The following CNTNAP2 variants were observed in gnomAD, a reference collection of about 807,000 sequenced individuals.
The protein encoded by CNTNAP2 is contactin-associated protein-like 2.
CNTNAP2 carries 98 observed loss-of-function variants against 155.2 expected under a neutral mutation model. The observed-to-expected ratio is 0.63, with a 90% CI of 0.54 to 0.75. CNTNAP2 has a LOEUF of 0.75. CNTNAP2 is among the 30% of genes least tolerant of loss of function. CNTNAP2 has a pLI of 0.00. For synonymous variants in CNTNAP2, 651 were observed against 631.2 expected (o/e 1.03, Z -0.47); for missense variants, 1,727 against 1,688.1 (o/e 1.02, Z -0.40).
chr7:146,625,781 A>C (rs1389704905), intron 1 of CNTNAP2, among the ~76,000 whole-genome samples: 1 of 152,046 alleles, frequency 6.6e-6, no homozygotes, highest in Non-Finnish European at 1.5e-5. Flanking sequence ...AATTCTCATA[A>C]GTAATTCAGC....
intron 3 of CNTNAP2, among the ~76,000 whole-genome samples, chr7:147,040,926 A>T (rs925198847): frequency 5.3e-5 from 8 of 152,118 alleles, no homozygotes; most frequent in African/African-American, 1.9e-4. Context: ...TAGGTTGATT[A>T]TATCTTCTAC....
At chr7:146,443,715 T>G (rs111234733) in intron 1 of CNTNAP2, among the ~76,000 whole-genome samples, 4,180 of 152,306 alleles carry the variant, frequency 0.027, 87 homozygotes, top group Middle Eastern at 0.061. Context: ...TCAACCACTT[T>G]TTTTATAAAG....
intron 1 of CNTNAP2, among the ~76,000 whole-genome samples, chr7:146,724,611 G>A (rs1374721271): frequency 1.0e-4 from 12 of 119,234 alleles, no homozygotes; most frequent in Admixed American, 2.4e-4. Context: ...TCGCTCTGTC[G>A]CCAGGCTGGA....
intron 1 of CNTNAP2, among the ~76,000 whole-genome samples, chr7:146,199,703 T>A (rs1798829398): frequency 6.6e-6 from 1 of 152,178 alleles, no homozygotes; most frequent in Admixed American, 6.5e-5. Context: ...GGTGTCGACT[T>A]CATTCAGGTC....
intron 21 of CNTNAP2, among the ~76,000 whole-genome samples, chr7:148,336,983 T>A (rs62470628): frequency 0.19 from 28,653 of 151,136 alleles, 2,792 homozygotes; most frequent in South Asian, 0.33. Flanking sequence ...ACAGTCTCTC[T>A]CCCAGGGGTA....
At chr7:148,388,183 G>A (rs1448756107) in intron 22 of CNTNAP2, among the ~76,000 whole-genome samples, 3 of 152,086 alleles carry the variant, frequency 2.0e-5, no homozygotes, top group African/African-American at 7.2e-5. Context: ...TAGGGTACAT[G>A]TGCACATTGT....
At chr7:146,899,495 C>A (rs1481435739) in intron 3 of CNTNAP2, among the ~76,000 whole-genome samples, 2 of 72,358 alleles carry the variant, frequency 2.8e-5, no homozygotes, top group Non-Finnish European at 7.2e-5. Flanking sequence ...ACTTTCCCTG[C>A]ATGCATTGAA....
At chr7:146,458,923 A>G (rs535776970) in intron 1 of CNTNAP2, among the ~76,000 whole-genome samples, 2 of 152,144 alleles carry the variant, frequency 1.3e-5, no homozygotes, top group East Asian at 1.9e-4. Context: ...ATTTCTCTCT[A>G]TATATACACA....
At chr7:148,159,239 A>G in intron 17 of CNTNAP2, among the ~76,000 whole-genome samples, 1 of 152,036 alleles carries the variant, frequency 6.6e-6, no homozygotes. Flanking sequence ...TCATTTTATT[A>G]CGTTTTTTCT....
intron 10 of CNTNAP2, among the ~76,000 whole-genome samples, chr7:147,465,583 A>G (rs1798107158): frequency 6.6e-6 from 1 of 152,260 alleles, no homozygotes; most frequent in African/African-American, 2.4e-5. Context: ...AAATTGCTCA[A>G]TTTAAGCATA....
At chr7:147,952,203 G>A (rs1430697284) in intron 14 of CNTNAP2, among the ~76,000 whole-genome samples, 1 of 130,648 alleles carries the variant, frequency 7.7e-6, no homozygotes, top group Non-Finnish European at 1.7e-5. Context: ...AGCACTTTGG[G>A]AGGCTGAGGC....
At chr7:148,056,608 G>A (rs1030942205) in intron 15 of CNTNAP2, 1 of 152,194 alleles carries the variant, frequency 6.6e-6, no homozygotes, top group African/African-American at 2.4e-5. Context: ...TGCTCACTGA[G>A]CATATGCCCC....
At chr7:148,099,330 C>T (rs1804045251) in intron 15 of CNTNAP2, among the ~76,000 whole-genome samples, 1 of 151,750 alleles carries the variant, frequency 6.6e-6, no homozygotes, top group Non-Finnish European at 1.5e-5. Flanking sequence ...ATTAATAACT[C>T]CATGAATTTA....
At chr7:146,692,858 C>G (rs183993606) in intron 1 of CNTNAP2, among the ~76,000 whole-genome samples, 1 of 152,184 alleles carries the variant, frequency 6.6e-6, no homozygotes, top group African/African-American at 2.4e-5. Context: ...ACTACTGATG[C>G]TACAATAAAG....
intron 11 of CNTNAP2, among the ~76,000 whole-genome samples, chr7:147,554,113 C>T (rs1447215339): frequency 6.6e-6 from 1 of 152,252 alleles, no homozygotes; most frequent in South Asian, 2.1e-4. Flanking sequence ...ATTGAGGAAG[C>T]GTGTTTGTAG....
intron 1 of CNTNAP2, among the ~76,000 whole-genome samples, chr7:146,706,531 A>C (rs541840664): frequency 1.3e-5 from 2 of 152,288 alleles, no homozygotes; most frequent in African/African-American, 2.4e-5. Flanking sequence ...AATTATTCCA[A>C]GTGAACAGGC....
intron 1 of CNTNAP2, among the ~76,000 whole-genome samples, chr7:146,746,240 AAAAGACGTT>A (rs2129181761): frequency 6.6e-6 from 1 of 152,358 alleles, no homozygotes; most frequent in East Asian, 1.9e-4. Context: ...TTAACTTCTT[AAAAGACGTT>A]AAAGACAGTT....
At chr7:147,631,384 A>C (rs1205157296) in intron 12 of CNTNAP2, among the ~76,000 whole-genome samples, 4 of 152,198 alleles carry the variant, frequency 2.6e-5, no homozygotes, top group African/African-American at 7.2e-5. Flanking sequence ...GGGTAGAATC[A>C]ATACTGTGAA....
chr7:146,874,210 A>G (rs2129207830), intron 3 of CNTNAP2, among the ~76,000 whole-genome samples: 1 of 152,342 alleles, frequency 6.6e-6, no homozygotes, highest in African/African-American at 2.4e-5. Context: ...GATGTTTAGG[A>G]AAAGTTTATT....
Sources: allele counts gnomAD v4.1 joint callset (sites outside exome capture counted in the v4.1 genomes callset), GRCh38; gene constraint gnomAD v4.1.1; transcripts MANE v1.5; gene names NCBI Gene and HGNC (gene_info 2026-07-23, HGNC 2026-07-21).